The following MKLN1 variants were observed in gnomAD, a reference collection of about 807,000 sequenced individuals.
MKLN1 encodes muskelin.
MKLN1 carries 18 observed loss-of-function variants against 99.0 expected under a neutral mutation model. The ratio of observed to expected loss-of-function variants is 0.18; its 90% CI spans 0.13 to 0.27. MKLN1 has a LOEUF of 0.27. Ranked by LOEUF, MKLN1 falls within the 10% of genes least tolerant of loss-of-function variation. MKLN1 has a pLI of 1.00. For synonymous variants in MKLN1, 288 were observed against 293.2 expected (o/e 0.98, Z 0.18); for missense variants, 621 against 875.9 (o/e 0.71, Z 3.67).
chr7:131,443,180 T>G (rs990703789), intron 10 of MKLN1, among the ~76,000 whole-genome samples: 7 of 152,196 alleles, frequency 4.6e-5, no homozygotes, highest in Non-Finnish European at 1.0e-4. Context: ...AGAATATAAG[T>G]ATTCACTCTT....
intron 16 of MKLN1, among the ~76,000 whole-genome samples, chr7:131,478,234 A>G (rs1157026805): frequency 6.6e-6 from 1 of 152,194 alleles, no homozygotes; most frequent in Non-Finnish European, 1.5e-5. Context: ...TATTTTTGAG[A>G]TGAGAATGCA....
At chr7:131,159,204 GAAAA>G (rs1415974807) in intron 2 of MKLN1, among the ~76,000 whole-genome samples, 1 of 151,984 alleles carries the variant, frequency 6.6e-6, no homozygotes, top group Non-Finnish European at 1.5e-5. Flanking sequence ...AAGAAAAAAA[GAAAA>G]AGAAAGTGAC....
intron 3 of MKLN1, among the ~76,000 whole-genome samples, chr7:131,278,746 A>G (rs931481003): frequency 6.6e-6 from 1 of 151,700 alleles, no homozygotes; most frequent in African/African-American, 2.4e-5. Flanking sequence ...GCATGCACCA[A>G]CCATGCCCAG....
intron 16 of MKLN1, 61 bp downstream of exon 16, chr7:131,471,005 T>C (rs1684172): frequency 0.45 from 524,715 of 1,160,188 alleles, 122,197 homozygotes; most frequent in Non-Finnish European, 0.48. Flanking sequence ...TCCTAACTTA[T>C]ATTTAATGAT....
chr7:131,265,181 G>A (rs138172955), intron 3 of MKLN1, among the ~76,000 whole-genome samples: 18 of 152,190 alleles, frequency 1.2e-4, no homozygotes, highest in African/African-American at 4.3e-4. Flanking sequence ...CTTGGGTAAG[G>A]AGGGGGCAAA....
chr7:131,472,961 A>G (rs980268450), intron 16 of MKLN1, among the ~76,000 whole-genome samples: 214 of 151,518 alleles, frequency 1.4e-3, no homozygotes, highest in African/African-American at 5.0e-3. Context: ...AAAAAAAAAA[A>G]AAAAGAAAAA....
At chr7:131,324,316 T>C (rs377531825), upstream of MKLN1, 6 of 152,200 alleles carry the variant, frequency 3.9e-5, no homozygotes, top group African/African-American at 9.7e-5. Context: ...ATGAGACTTC[T>C]GAAGGAAGAG....
intron 2 of MKLN1, among the ~76,000 whole-genome samples, chr7:131,179,765 G>A (rs1796352859): frequency 6.6e-6 from 1 of 152,034 alleles, no homozygotes; most frequent in Admixed American, 6.6e-5. Context: ...TAGTAGAGAA[G>A]GGGTTTCACC....
intron 6 of MKLN1, among the ~76,000 whole-genome samples, chr7:131,408,576 C>T (rs929217217): frequency 2.0e-5 from 3 of 151,984 alleles, no homozygotes; most frequent in Non-Finnish European, 4.4e-5. Flanking sequence ...GAAATTTTTT[C>T]CCCTTTTGGT....
chr7:131,167,197 G>GATACATTAATTTTCAAAAAAAATTAAT (rs1563238221), intron 2 of MKLN1, among the ~76,000 whole-genome samples: 2 of 152,112 alleles, frequency 1.3e-5, no homozygotes, highest in East Asian at 3.9e-4. Flanking sequence ...TGTTTTCAAG[G>GATACATTAATTTTCAAAAAAAATTAAT]GTATGATGAG....
intron 1 of MKLN1, among the ~76,000 whole-genome samples, chr7:131,345,023 C>T (rs1022449024): frequency 1.3e-5 from 2 of 152,176 alleles, no homozygotes; most frequent in Non-Finnish European, 2.9e-5. Flanking sequence ...CCAGGCTGGT[C>T]TCGAACTCCT....
chr7:131,297,802 T>A (rs1798315499), intron 3 of MKLN1, among the ~76,000 whole-genome samples: 1 of 152,160 alleles, frequency 6.6e-6, no homozygotes, highest in African/African-American at 2.4e-5. Context: ...GAAGTGTGAA[T>A]TTTAGAACCT....
intron 3 of MKLN1, among the ~76,000 whole-genome samples, chr7:131,314,762 G>A (rs1228735716): frequency 1.3e-5 from 2 of 151,814 alleles, no homozygotes; most frequent in Admixed American, 6.6e-5. Context: ...TCTGTTCTGC[G>A]GTACTGAAAG....
intron 3 of MKLN1, among the ~76,000 whole-genome samples, chr7:131,287,766 A>G (rs879270975): frequency 7.2e-5 from 11 of 151,972 alleles, no homozygotes; most frequent in Non-Finnish European, 1.3e-4. Flanking sequence ...TAATCCCCAC[A>G]TGTTTAGGGA....
At chr7:131,420,982 G>C (rs1282465238) in intron 8 of MKLN1, among the ~76,000 whole-genome samples, 1 of 152,158 alleles carries the variant, frequency 6.6e-6, no homozygotes, top group Admixed American at 6.5e-5. Flanking sequence ...AATATTTTCT[G>C]TGGTGGATCT....
intron 1 of MKLN1, among the ~76,000 whole-genome samples, chr7:131,132,983 A>AAAGAAAG (rs1554526897): frequency 5.8e-5 from 8 of 137,338 alleles, no homozygotes; most frequent in African/African-American, 1.6e-4. Flanking sequence ...AAGAAAGAAA[A>AAAGAAAG]ACCAGAGCAT....
chr7:131,313,096 C>G (rs559956921), intron 3 of MKLN1, among the ~76,000 whole-genome samples: 53 of 152,296 alleles, frequency 3.5e-4, no homozygotes, highest in Admixed American at 2.0e-3. Flanking sequence ...ATAAACCAGT[C>G]TAACCAATAG....
intron 12 of MKLN1, among the ~76,000 whole-genome samples, chr7:131,457,189 A>C (rs1369043589): frequency 6.6e-6 from 1 of 151,960 alleles, no homozygotes; most frequent in Non-Finnish European, 1.5e-5. Flanking sequence ...AGACAGGAGA[A>C]TCGCTTGAAC....
chr7:131,429,040 T>G lies in MKLN1; in HGVS notation c.855T>G (p.Val285=). Residue 285 remains valine, a synonymous_variant, in exon 9 of 18, where the codon GTT becomes GTG. Transcript: ENST00000352689. ...TTTTTCTGATTTTCATAGAGACTGT[T>G]TATTTGTTTGGTGGCTGGGATGGAA... The part of the protein sequence containing the change: ...QMVIDVQTET[V]YLFGGWDGTQ... 6.2e-7 allele frequency: 1 copy of G among 1,613,560 alleles called. No homozygotes were observed.
Sources: allele counts gnomAD v4.1 joint callset (sites outside exome capture counted in the v4.1 genomes callset), GRCh38; gene constraint gnomAD v4.1.1; transcripts MANE v1.5; gene names NCBI Gene and HGNC (gene_info 2026-07-23, HGNC 2026-07-21).